OR2L13: variants seen among roughly 807,000 people sequenced by gnomAD.
The protein encoded by OR2L13 is olfactory receptor 2L13.
OR2L13 carries 14 observed loss-of-function variants against 15.3 expected under a neutral mutation model. The observed-to-expected ratio is 0.91, with a 90% confidence interval of 0.60 to 1.43. The LOEUF (loss-of-function observed/expected upper bound fraction) is 1.43. Ranked by LOEUF, OR2L13 falls within the 40% of genes most tolerant of loss-of-function variation. The pLI, the probability that OR2L13 is intolerant of heterozygous loss-of-function variation, is 0.00. For missense variants in OR2L13, 367 were observed against 387.9 expected (o/e 0.95, Z 0.45); for synonymous variants, 152 against 142.9 (o/e 1.06, Z -0.45).
At chr1:247,983,260 T>C in the OR2L13 span, among the ~76,000 whole-genome samples, 1 of 152,176 alleles carries the variant, frequency 6.6e-6, no homozygotes, top group East Asian at 1.9e-4. Flanking sequence ...TCCTGACATA[T>C]TGCAAGTGCC....
At chr1:248,047,193 A>G in the OR2L13 span, among the ~76,000 whole-genome samples, 3 of 152,158 alleles carry the variant, frequency 2.0e-5, no homozygotes, top group African/African-American at 7.2e-5. Context: ...CCACATTCAT[A>G]ATAATGATTG....
upstream of OR2L13, among the ~76,000 whole-genome samples, chr1:248,091,187 T>C (rs1208781745): frequency 6.6e-6 from 1 of 152,176 alleles, no homozygotes; most frequent in Non-Finnish European, 1.5e-5. Context: ...GATAGTAAAC[T>C]TTTGTTGCAT....
chr1:248,060,559 G>A, the OR2L13 span: 1 of 745,556 alleles, frequency 1.3e-6, no homozygotes, highest in Non-Finnish European at 2.3e-6. Context: ...ATAGGGCTCA[G>A]TGTCAACTCC....
the OR2L13 span, among the ~76,000 whole-genome samples, chr1:248,016,735 A>G: frequency 2.6e-5 from 4 of 151,878 alleles, no homozygotes; most frequent in African/African-American, 9.7e-5. Flanking sequence ...TGTAACATAT[A>G]TATTTATTTA....
chr1:248,083,900 G>T, the OR2L13 span: 2 of 1,611,216 alleles, frequency 1.2e-6, no homozygotes, highest in East Asian at 2.2e-5. Context: ...AGGCCTTCTT[G>T]CGGGCTTCTG....
the OR2L13 span, among the ~76,000 whole-genome samples, chr1:248,057,548 C>G: frequency 1.3e-5 from 2 of 152,048 alleles, no homozygotes; most frequent in African/African-American, 4.8e-5. Context: ...TAAGATGTGT[C>G]TCTTGAATAC....
the OR2L13 span, among the ~76,000 whole-genome samples, chr1:248,074,186 A>G: frequency 1.3e-5 from 2 of 152,182 alleles, no homozygotes; most frequent in African/African-American, 4.8e-5. Flanking sequence ...TTTTCTTAAA[A>G]TAACATATAT....
chr1:248,055,219 C>G, the OR2L13 span, among the ~76,000 whole-genome samples: 1 of 152,118 alleles, frequency 6.6e-6, no homozygotes, highest in Admixed American at 6.5e-5. Flanking sequence ...GTCTTTAGTT[C>G]TGTTTATGTG....
chr1:248,064,529 T>G, the OR2L13 span, among the ~76,000 whole-genome samples: 3 of 152,196 alleles, frequency 2.0e-5, no homozygotes, highest in Admixed American at 1.3e-4. Context: ...ACACAATACC[T>G]GCTGTTTTTG....
the OR2L13 span, among the ~76,000 whole-genome samples, chr1:248,056,916 C>A: frequency 2.6e-5 from 4 of 151,884 alleles, no homozygotes; most frequent in Non-Finnish European, 4.4e-5. Flanking sequence ...TCCCAAAGTG[C>A]TGGGATTACA....
At chr1:248,047,766 G>A in the OR2L13 span, among the ~76,000 whole-genome samples, 7 of 152,152 alleles carry the variant, frequency 4.6e-5, no homozygotes, top group African/African-American at 1.4e-4. Flanking sequence ...CAGTCATAGC[G>A]GATAAGAAGT....
the OR2L13 span, among the ~76,000 whole-genome samples, chr1:247,992,663 A>G: frequency 1.3e-5 from 2 of 152,172 alleles, no homozygotes; most frequent in African/African-American, 4.8e-5. Context: ...GCTTAGGATT[A>G]TGGCCCCCAG....
chr1:248,014,507 TC>T, the OR2L13 span, among the ~76,000 whole-genome samples: 9 of 152,134 alleles, frequency 5.9e-5, no homozygotes, highest in Non-Finnish European at 1.3e-4. Flanking sequence ...AAGGTAAACT[TC>T]CAGTGAAATA....
chr1:248,089,357 T>G, the OR2L13 span, among the ~76,000 whole-genome samples: 1 of 152,096 alleles, frequency 6.6e-6, no homozygotes, highest in Non-Finnish European at 1.5e-5. Flanking sequence ...TTATGGGTTT[T>G]ATGGTGGCTT....
chr1:247,972,843 A>G, the OR2L13 span, among the ~76,000 whole-genome samples: 440 of 152,320 alleles, frequency 2.9e-3, no homozygotes, highest in Middle Eastern at 0.01. Context: ...TTTCAAGCCA[A>G]TATCCCCAAT....
the OR2L13 span, among the ~76,000 whole-genome samples, chr1:247,981,963 C>T: frequency 6.6e-6 from 1 of 151,900 alleles, no homozygotes; most frequent in Non-Finnish European, 1.5e-5. Flanking sequence ...CTGCAGGCTC[C>T]CGCCACCACG....
the OR2L13 span, among the ~76,000 whole-genome samples, chr1:247,994,022 T>G: frequency 3.9e-5 from 6 of 152,128 alleles, no homozygotes; most frequent in Admixed American, 3.9e-4. Context: ...CCTGTATGTT[T>G]CAGATTTTGT....
At chr1:248,003,254 C>A in the OR2L13 span, 6 of 1,570,378 alleles carry the variant, frequency 3.8e-6, no homozygotes, top group Non-Finnish European at 5.3e-6. Flanking sequence ...AATTGGAAAC[C>A]TATCCATGAT....
At chr1:248,052,993 C>G in the OR2L13 span, among the ~76,000 whole-genome samples, 1 of 151,732 alleles carries the variant, frequency 6.6e-6, no homozygotes, top group Non-Finnish European at 1.5e-5. Context: ...GCAGGAAGAG[C>G]AGTTTTGTTT....
Sources: allele counts gnomAD v4.1 joint callset (sites outside exome capture counted in the v4.1 genomes callset), GRCh38; gene constraint gnomAD v4.1.1; transcripts MANE v1.5; gene names NCBI Gene and HGNC (gene_info 2026-07-23, HGNC 2026-07-21).